The following NR5A2 variants were observed in gnomAD, a reference collection of about 807,000 sequenced individuals.
NR5A2 encodes CYP7A promoter-binding factor.
In NR5A2, 26 loss-of-function variants were observed where a neutral mutation model predicts 62.7. The ratio of observed to expected loss-of-function variants is 0.41; its 90% CI spans 0.30 to 0.58. NR5A2 has a LOEUF of 0.58. Ranked by LOEUF, NR5A2 falls within the 20% of genes least tolerant of loss-of-function variation. The pLI, the probability that NR5A2 is intolerant of heterozygous loss-of-function variation, is 0.22. For synonymous variants in NR5A2, 246 were observed against 241.7 expected (o/e 1.02, Z -0.16); for missense variants, 541 against 669.1 (o/e 0.81, Z 2.11).
chr1:200,068,552 GATTA>G (rs1663603522), intron 5 of NR5A2, among the ~76,000 whole-genome samples: 1 of 152,188 alleles, frequency 6.6e-6, no homozygotes, highest in African/African-American at 2.4e-5. Flanking sequence ...TTGCAGCAGA[GATTA>G]ATCCCAGCTT....
Position 200,039,608 on chromosome 1 carries a change from C to A in NR5A2, c.65-50C>A. 6.2e-7 allele frequency: 1 copy of A among 1,606,354 alleles called. No individual in the cohort carries two copies. Among genetic ancestry groups the A allele is most frequent in the South Asian group, 1.1e-5 (1 of 90,758 alleles). ...GGGTTGGGTTAGCAGGCATCCCGGT[C>A]GCCCCTTCCTTCTTTTCGCCGGAGT... On this transcript the variant is annotated intron_variant, in intron 1 of 7. Coordinates refer to ENST00000367362, the MANE Select transcript of NR5A2 (RefSeq NM_205860.3). The surrounding 1 kb of genome is among the most constrained non-coding windows in gnomAD (Gnocchi z 5.1).
At chr1:200,038,829 G>T in intron 1 of NR5A2, 1 of 1,142,310 alleles carries the variant, frequency 8.8e-7, no homozygotes, top group Non-Finnish European at 1.2e-6. Context: ...GGTGGGAGGG[G>T]GTGAGGCGGG....
chr1:200,046,104 T>TG (rs1404498137), intron 4 of NR5A2, among the ~76,000 whole-genome samples: 2 of 152,156 alleles, frequency 1.3e-5, no homozygotes, highest in African/African-American at 2.4e-5. Flanking sequence ...ATATTATCTT[T>TG]GATAGTGTAG....
intron 1 of NR5A2, among the ~76,000 whole-genome samples, chr1:200,031,517 A>AAAAAC (rs532330778): frequency 2.8e-4 from 42 of 152,042 alleles, no homozygotes; most frequent in Admixed American, 1.8e-3. Context: ...CCTATCTCAA[A>AAAAAC]AAAACAAAAC....
rs561520903 is a variant in NR5A2 at position 200,140,885 on chromosome 1, G to A, written c.1378+19930G>A. On this transcript the variant is annotated intron_variant, in intron 7 of 7. Coordinates refer to ENST00000367362, the MANE Select transcript of NR5A2 (RefSeq NM_205860.3). The stretch of plus-strand genomic sequence containing the variant: ...GTCTTTACTAAAAATACAAAAATTA[G>A]CCGGGCATGGTGGCACATGCCTATA... Among the ~76,000 whole-genome samples the A allele has an allele frequency of 5.3e-5, 8 of 152,264 alleles. No individual in the cohort carries two copies. The East Asian group carries it at 1.5e-3, about 29-fold the overall frequency.
chr1:200,149,685 C>T (rs1667898726), intron 7 of NR5A2, among the ~76,000 whole-genome samples: 1 of 152,160 alleles, frequency 6.6e-6, no homozygotes, highest in South Asian at 2.1e-4. Flanking sequence ...AACCATACGC[C>T]AGCAGTGTGT....
chr1:200,133,191 AT>A (rs1325716658), intron 7 of NR5A2, among the ~76,000 whole-genome samples: 1 of 152,134 alleles, frequency 6.6e-6, no homozygotes, highest in Non-Finnish European at 1.5e-5. Context: ...TGTAAAAGTG[AT>A]TTCCCAGAAA....
chr1:200,062,270 T>C (rs981102415), intron 5 of NR5A2, among the ~76,000 whole-genome samples: 5 of 152,054 alleles, frequency 3.3e-5, no homozygotes, highest in African/African-American at 1.2e-4. Context: ...TCTGTGTCCA[T>C]GTGTGTATCG....
At chr1:200,060,042 A>G (rs1663125774) in intron 5 of NR5A2, among the ~76,000 whole-genome samples, 1 of 152,184 alleles carries the variant, frequency 6.6e-6, no homozygotes, top group Non-Finnish European at 1.5e-5. Context: ...TCCATACAGT[A>G]GGCTAACATC....
intron 2 of NR5A2, chr1:200,042,910 G>A (rs1662180782): frequency 1.0e-6 from 1 of 985,382 alleles, no homozygotes; most frequent in Admixed American, 6.1e-5. Flanking sequence ...GCAGTGAGCC[G>A]CGCCGCGCGT....
At chr1:200,101,637 A>C (rs2816989) in intron 5 of NR5A2, among the ~76,000 whole-genome samples, 60,015 of 151,988 alleles carry the variant, frequency 0.39, 12,284 homozygotes, top group East Asian at 0.68. Flanking sequence ...GATTGATTCC[A>C]TAAGCCACTT....
intron 6 of NR5A2, among the ~76,000 whole-genome samples, chr1:200,111,945 A>G (rs1183930379): frequency 6.6e-6 from 1 of 152,194 alleles, no homozygotes; most frequent in East Asian, 1.9e-4. Flanking sequence ...GCTTTGGTGT[A>G]TATTAGTGAA....
chr1:200,094,246 G>GTT (rs1162391920), intron 5 of NR5A2, among the ~76,000 whole-genome samples: 5 of 145,274 alleles, frequency 3.4e-5, no homozygotes, highest in South Asian at 2.2e-4. Flanking sequence ...GTGCAGTGAC[G>GTT]CCATCTCTGT....
At chr1:200,062,257 G>GTGTGTGTGTGTA (rs1490926111) in intron 5 of NR5A2, among the ~76,000 whole-genome samples, 3 of 151,608 alleles carry the variant, frequency 2.0e-5, no homozygotes, top group South Asian at 2.1e-4. Context: ...GTGTGTGTGT[G>GTGTGTGTGTGTA]TATCTGTGTC....
Position 200,048,951 on chromosome 1 carries a change from G to C in NR5A2, c.1110+133G>C. ...ACTTTGTATGATTTACAGAGTAGACGTAATTTTATTACCTTGACTTCAGGA... is the reference window on the plus strand; with the variant it reads ...ACTTTGTATGATTTACAGAGTAGACCTAATTTTATTACCTTGACTTCAGGA... On this transcript the variant is annotated intron_variant, in intron 5 of 7. Coordinates refer to ENST00000367362, the MANE Select transcript of NR5A2 (RefSeq NM_205860.3). This position sits in a 1 kb window ranked among gnomAD's most constrained non-coding sequence, Gnocchi z 4.8. The C allele has an allele frequency of 8.7e-7, 1 of 1,145,336 alleles. No homozygotes were observed. The highest frequency in any genetic ancestry group is 1.2e-6 in the Non-Finnish European group (1 of 813,416). The allele number at this position is 1,145,336 out of a possible 1,614,324, so 70.9% of individuals were successfully genotyped here.
chr1:200,043,954 T>A (rs1033627017), intron 3 of NR5A2, 62 bp downstream of exon 3: 2 of 1,080,408 alleles, frequency 1.9e-6, no homozygotes, highest in African/African-American at 3.2e-5. Flanking sequence ...ACCAGTGGAT[T>A]ACTTCTTTTA....
intron 5 of NR5A2, among the ~76,000 whole-genome samples, chr1:200,084,608 A>T (rs16845965): frequency 0.013 from 1,972 of 152,316 alleles, 41 homozygotes; most frequent in African/African-American, 0.044. Flanking sequence ...CCCATTATGT[A>T]TGCTTTCAGA....
chr1:200,048,508 G>T lies in NR5A2; in HGVS notation c.800G>T (p.Arg267Leu), dbSNP rs201214610. Residue 267 changes from arginine (R) to leucine (L), a missense_variant, in exon 5 of 8, where the codon CGG (arginine) becomes CTG (leucine). Arg to Leu is a moderately radical substitution (Grantham distance 102). Around this residue, in one of 3 missense-constraint regions of NR5A2, gnomAD observed 379 missense variants for 442.0 expected, o/e 0.86. Transcript: ENST00000367362. The surrounding 1 kb of genome is among the most constrained non-coding windows in gnomAD (Gnocchi z 4.8). The stretch of plus-strand genomic sequence containing the variant: ...CAAACATATGGCCACTTTCCTAGCC[G>T]GGCCATCAAGTCTGAGTACCCAGAC... ...GYQTYGHFPSRAIKSEYPDPY... is the reference protein window; with the variant it reads ...GYQTYGHFPSLAIKSEYPDPY... 1 of 1,614,138 alleles carries T rather than the reference G, an allele frequency of 6.2e-7. No individual in the cohort carries two copies. The highest frequency in any genetic ancestry group is 1.3e-5 in the African/African-American group (1 of 75,016).
At chr1:200,142,679 C>T (rs1667500717) in intron 7 of NR5A2, among the ~76,000 whole-genome samples, 1 of 152,158 alleles carries the variant, frequency 6.6e-6, no homozygotes, top group Non-Finnish European at 1.5e-5. Context: ...CAAGTGCATG[C>T]CACCATGTCT....
Sources: allele counts gnomAD v4.1 joint callset (sites outside exome capture counted in the v4.1 genomes callset), GRCh38; gene constraint gnomAD v4.1.1; regional missense constraint gnomAD v4.1.1; non-coding constraint Gnocchi (gnomAD v3.1); transcripts MANE v1.5; gene names NCBI Gene and HGNC (gene_info 2026-07-23, HGNC 2026-07-21).